SLC5A1: variants seen among roughly 807,000 people sequenced by gnomAD.
The protein encoded by SLC5A1 is solute carrier family 5 member 1.
A neutral mutation model predicts 73.5 loss-of-function variants in SLC5A1; 42 were observed. That is an observed-to-expected ratio of 0.57 (90% CI 0.45 to 0.74). The LOEUF is 0.74. SLC5A1 is among the 30% of genes least tolerant of loss of function. The probability of loss-of-function intolerance (pLI) is 0.00; values close to 1 mark genes in which losing one functional copy is unlikely to be tolerated. For synonymous variants in SLC5A1, 300 were observed against 317.4 expected, an observed-to-expected ratio of 0.95 and a Z score of 0.58; for missense variants, 634 against 855.4, an observed-to-expected ratio of 0.74 and a Z score of 3.23.
intron 8 of SLC5A1, 89 bp downstream of exon 8, chr22:32,084,748 A>G: frequency 2.0e-6 from 3 of 1,502,434 alleles, no homozygotes; most frequent in Non-Finnish European, 2.8e-6. Flanking sequence ...GGGTTGGGAC[A>G]GGGAGGGGAG....
chr22:32,085,173 T>G, intron 9 of SLC5A1, 138 bp downstream of exon 9: 1 of 1,044,994 alleles, frequency 9.6e-7, no homozygotes, highest in Non-Finnish European at 1.5e-6. Context: ...TGGAGTGCAG[T>G]GGTGTGATCA....
intron 11 of SLC5A1, among the ~76,000 whole-genome samples, chr22:32,095,400 A>G (rs2094024623): frequency 6.6e-6 from 1 of 152,030 alleles, no homozygotes; most frequent in Non-Finnish European, 1.5e-5. Context: ...TCCTTTGTTG[A>G]CTTTCTGTCT....
intron 10 of SLC5A1, among the ~76,000 whole-genome samples, chr22:32,090,055 A>G (rs1430458819): frequency 6.6e-6 from 1 of 151,028 alleles, no homozygotes; most frequent in East Asian, 1.9e-4. Context: ...CTAGAGCTTG[A>G]CGTAACTTGC....
intron 14 of SLC5A1, among the ~76,000 whole-genome samples, chr22:32,107,447 A>G (rs2094048288): frequency 6.6e-6 from 1 of 152,234 alleles, no homozygotes; most frequent in Non-Finnish European, 1.5e-5. Context: ...GGATTTAATC[A>G]TCATCAATTC....
In SLC5A1 at chr22:32,086,264, G is replaced by A. The variant is rs141412905; in HGVS notation, c.1066G>A (p.Gly356Ser). ...VVPSECEKYCGTKVGCTNIAY... is the reference protein window; with the variant it reads ...VVPSECEKYCSTKVGCTNIAY... ...CCCTTCAGAATGTGAGAAATATTGC[G>A]GTACCAAGGTTGGCTGTACCAACAT... is the stretch of plus-strand genomic sequence containing the variant. The change falls in exon 10 of 15, where the codon GGT (glycine) becomes AGT (serine). Residue 356 changes from glycine (G) to serine (S), a missense_variant. Transcript: ENST00000266088. The A allele has an allele frequency of 2.7e-4, 430 of 1,614,014 alleles. No individual in the cohort carries two copies. The highest frequency in any genetic ancestry group is 3.3e-4 in the Middle Eastern group (2 of 6,062).
chr22:32,060,841 A>T (rs763092288), intron 2 of SLC5A1, among the ~76,000 whole-genome samples: 1 of 152,082 alleles, frequency 6.6e-6, no homozygotes, highest in Non-Finnish European at 1.5e-5. Flanking sequence ...AAGTATTGGT[A>T]TTGCAGGCCT....
chr22:32,076,896 A>G (rs2093991763), intron 5 of SLC5A1, among the ~76,000 whole-genome samples: 5 of 152,204 alleles, frequency 3.3e-5, no homozygotes. Flanking sequence ...CGTTCAGCCA[A>G]ATTTTCAACG....
intron 14 of SLC5A1, among the ~76,000 whole-genome samples, chr22:32,105,289 A>ATT (rs750353760): frequency 1.2e-4 from 15 of 128,202 alleles, no homozygotes; most frequent in East Asian, 8.7e-4. Context: ...TGCACTCTTA[A>ATT]TTTTTTTTTT....
chr22:32,091,211 A>G lies in SLC5A1; in HGVS notation c.1130-401A>G, dbSNP rs567723077. 1.2e-4 allele frequency among the ~76,000 whole-genome samples: 18 copies of G among 152,156 alleles called. 1 individual carries two copies. The South Asian group carries it at 3.7e-3, about 32-fold the overall frequency. On this transcript the variant is annotated intron_variant, in intron 10 of 14. Coordinates refer to ENST00000266088, the MANE Select transcript of SLC5A1 (RefSeq NM_000343.4). Reference sequence around the variant, plus strand: ...TCTTGAGAGCCCCATCTTTTGAATAATAGTTTAAATCTCTTTCTGTTATAT... The same window carrying G: ...TCTTGAGAGCCCCATCTTTTGAATAGTAGTTTAAATCTCTTTCTGTTATAT...
rs1177521138 is a variant in SLC5A1 at position 32,111,999 on chromosome 22, T to C, written c.*1786T>C. On this transcript the variant is annotated 3_prime_UTR_variant, in exon 15 of 15. Coordinates refer to ENST00000266088, the MANE Select transcript of SLC5A1 (RefSeq NM_000343.4). ...CTATCAGTTTTTGGTCAGGAGAAGA[T>C]ATCCACCTAGACCAACCTGAGGAGA... 2.6e-5 allele frequency: 4 copies of C among 152,140 alleles called. No homozygotes were observed. Among genetic ancestry groups the C allele is most frequent in the African/African-American group, 4.8e-5 (2 of 41,416 alleles). The allele number at this position is 152,140 out of a possible 1,614,324, so 9.4% of individuals were successfully genotyped here. A position where few individuals can be genotyped will look rare whatever the true frequency, so the allele number is the denominator to read the frequency against.
At chr22:32,091,032 C>A in intron 10 of SLC5A1, among the ~76,000 whole-genome samples, 1 of 152,110 alleles carries the variant, frequency 6.6e-6, no homozygotes, top group African/African-American at 2.4e-5. Context: ...ATTTGTATGG[C>A]TTTGGAGAAG....
intron 5 of SLC5A1, 98 bp from the exon 6 acceptor site, chr22:32,081,768 G>T: frequency 1.2e-6 from 1 of 800,804 alleles, no homozygotes; most frequent in South Asian, 1.3e-5. Flanking sequence ...TTATCATCTT[G>T]AATAAAGCTT....
intron 5 of SLC5A1, among the ~76,000 whole-genome samples, chr22:32,080,188 A>T (rs2093997320): frequency 6.6e-6 from 1 of 152,044 alleles, no homozygotes. Context: ...CTCTCCTCCC[A>T]CCTCCTGGCT....
chr22:32,083,315 T>C (rs945655011), intron 7 of SLC5A1, among the ~76,000 whole-genome samples, 161 bp downstream of exon 7: 1 of 152,106 alleles, frequency 6.6e-6, no homozygotes, highest in Non-Finnish European at 1.5e-5. Context: ...TGGGCTGTCA[T>C]TGTGGGTATG....
intron 2 of SLC5A1, among the ~76,000 whole-genome samples, chr22:32,062,034 G>C (rs1823104754): frequency 1.3e-5 from 2 of 152,228 alleles, no homozygotes; most frequent in African/African-American, 4.8e-5. Context: ...GGGCTAACTT[G>C]TGGAAGAGAG....
intron 14 of SLC5A1, 79 bp from the exon 15 acceptor site, chr22:32,109,911 A>G (rs1644733889): frequency 1.9e-6 from 2 of 1,060,264 alleles, no homozygotes; most frequent in African/African-American, 1.5e-5. Context: ...CAGATGCTTC[A>G]TGGTGTGGCT....
intron 13 of SLC5A1, among the ~76,000 whole-genome samples, chr22:32,102,996 A>G (rs934249133): frequency 2.0e-5 from 3 of 152,206 alleles, no homozygotes; most frequent in Non-Finnish European, 2.9e-5. Flanking sequence ...GATTGATTCC[A>G]TATCTTGGCT....
At chr22:32,062,391 C>G (rs767511628) in intron 2 of SLC5A1, among the ~76,000 whole-genome samples, 1 of 152,192 alleles carries the variant, frequency 6.6e-6, no homozygotes, top group Non-Finnish European at 1.5e-5. Flanking sequence ...GAATAAATAG[C>G]CTTTCTGCAT....
intron 5 of SLC5A1, among the ~76,000 whole-genome samples, chr22:32,072,294 T>C (rs889514009): frequency 2.0e-4 from 30 of 152,198 alleles, no homozygotes; most frequent in Admixed American, 1.8e-3. Context: ...GTCTCACTTA[T>C]AAGTGAGAAA....
Sources: allele counts gnomAD v4.1 joint callset (sites outside exome capture counted in the v4.1 genomes callset), GRCh38; gene constraint gnomAD v4.1.1; transcripts MANE v1.5; gene names NCBI Gene and HGNC (gene_info 2026-07-23, HGNC 2026-07-21).